Variants in MYO9B observed in about 807,000 individuals in gnomAD.
MYO9B encodes unconventional myosin-IXb.
Under a neutral mutation model 229.5 loss-of-function variants are expected in MYO9B, and 71 were observed. That is an observed-to-expected ratio of 0.31 (90% CI 0.26 to 0.38). The LOEUF (loss-of-function observed/expected upper bound fraction) is 0.38, where lower values mean the gene tolerates loss of function less well. Ranked by LOEUF, MYO9B falls within the 10% of genes least tolerant of loss-of-function variation. The pLI, the probability that MYO9B is intolerant of heterozygous loss-of-function variation, is 1.00. For synonymous variants in MYO9B, 1,185 were observed against 1,235.8 expected, an observed-to-expected ratio of 0.96 and a Z score of 0.86; for missense variants, 2,255 against 2,920.5, an observed-to-expected ratio of 0.77 and a Z score of 5.25.
rs1236587184 is a variant in MYO9B, at chr19:17,206,523, A to G, written c.5386+147A>G. 7 of 1,369,388 alleles carry G rather than the reference A, an allele frequency of 5.1e-6. No homozygotes were observed. The Admixed American group carries it at 6.8e-5, about 13-fold the overall frequency. The allele number at this position is 1,369,388 out of a possible 1,614,324, so 84.8% of individuals were successfully genotyped here. A position where few individuals can be genotyped will look rare whatever the true frequency, so the allele number is the denominator to read the frequency against. ...GTCGGCCCAGCCAAACCGGGTCCCC[A>G]GTTTGGGGTGGGGCCAGGACACCTC... On this transcript the variant is annotated intron_variant, in intron 33 of 39. Coordinates refer to ENST00000682292, the MANE Select transcript of MYO9B (RefSeq NM_004145.4).
intron 4 of MYO9B, among the ~76,000 whole-genome samples, chr19:17,153,214 T>C (rs1232941382): frequency 6.6e-6 from 1 of 151,304 alleles, no homozygotes; most frequent in Non-Finnish European, 1.5e-5. Flanking sequence ...GTCAGAGTCT[T>C]GCTCTGTCAC....
intron 10 of MYO9B, among the ~76,000 whole-genome samples, chr19:17,164,270 C>T (rs2072635507): frequency 6.6e-6 from 1 of 152,170 alleles, no homozygotes; most frequent in Non-Finnish European, 1.5e-5. Context: ...TTTTGAGCCA[C>T]AGTTCATGTG....
At chr19:17,166,439 G>A (rs2072660155) in intron 10 of MYO9B, among the ~76,000 whole-genome samples, 1 of 151,586 alleles carries the variant, frequency 6.6e-6, no homozygotes, top group South Asian at 2.1e-4. Context: ...GTAAGTTTAT[G>A]TAACTATTAA....
intron 36 of MYO9B, 143 bp downstream of exon 36, chr19:17,209,852 C>G: frequency 8.6e-7 from 1 of 1,166,106 alleles, no homozygotes; most frequent in Non-Finnish European, 1.2e-6. Flanking sequence ...CAGGACCTCC[C>G]ATGCCGAGGA....
intron 2 of MYO9B, among the ~76,000 whole-genome samples, chr19:17,110,299 C>G (rs554051753): frequency 6.6e-6 from 1 of 152,220 alleles, no homozygotes; most frequent in Non-Finnish European, 1.5e-5. Context: ...TTAACTGTTG[C>G]CATCACCTTT....
chr19:17,133,261 G>A (rs1440261836), intron 2 of MYO9B, among the ~76,000 whole-genome samples: 2 of 152,138 alleles, frequency 1.3e-5, no homozygotes. Flanking sequence ...CGCGTTACCT[G>A]ACATACTCAA....
At chr19:17,082,296 G>C (rs975776440) in intron 1 of MYO9B, among the ~76,000 whole-genome samples, 2 of 152,194 alleles carry the variant, frequency 1.3e-5, no homozygotes, top group African/African-American at 4.8e-5. Context: ...ACGGGAGCCT[G>C]CCTGGCCTGG....
At chr19:17,196,107 G>T (rs80274543) in intron 22 of MYO9B, among the ~76,000 whole-genome samples, 11,511 of 140,814 alleles carry the variant, frequency 0.082, 958 homozygotes, top group African/African-American at 0.22. Context: ...GATGGATGGA[G>T]GGAGGGAGGG....
At chr19:17,093,858 A>AATTAATTT (rs375581946) in intron 1 of MYO9B, among the ~76,000 whole-genome samples, 2 of 145,568 alleles carry the variant, frequency 1.4e-5, no homozygotes, top group Non-Finnish European at 1.5e-5. Flanking sequence ...ATGCCCAGCT[A>AATTAATTT]ATTTATTTAT....
intron 2 of MYO9B, among the ~76,000 whole-genome samples, chr19:17,144,935 A>G (rs1222590224): frequency 6.8e-6 from 1 of 147,236 alleles, no homozygotes; most frequent in African/African-American, 2.5e-5. Context: ...GCGCCCCTGC[A>G]CTCCAGCCAA....
intron 19 of MYO9B, among the ~76,000 whole-genome samples, chr19:17,188,731 G>C (rs1043743814): frequency 2.0e-5 from 3 of 152,140 alleles, no homozygotes; most frequent in African/African-American, 7.2e-5. Flanking sequence ...GAAATGTTCT[G>C]GGCGGGTGTA....
At chr19:17,187,219 C>G (rs756335339) in intron 18 of MYO9B, among the ~76,000 whole-genome samples, 2 of 152,200 alleles carry the variant, frequency 1.3e-5, no homozygotes, top group African/African-American at 2.4e-5. Context: ...GGCCTCCACC[C>G]AGCTGTTCTC....
Position 17,206,085 on chromosome 19 carries a change from C to G in MYO9B, c.5190C>G (p.Thr1730=), listed in dbSNP as rs199796150. The change falls in exon 32 of 40, where the codon ACC becomes ACG. Residue 1730 remains threonine, a synonymous_variant. Transcript: ENST00000682292. The part of the protein sequence containing the change: ...LEHVEMHGLY[T]EGLYRKSGAA... ...ACGTGGAGATGCACGGCCTGTACAC[C>G]GAGGGCCTCTACCGCAAGTCGGGTG... 4.4e-6 allele frequency: 7 copies of G among 1,608,780 alleles called. No individual in the cohort carries two copies. Among genetic ancestry groups the G allele is most frequent in the Non-Finnish European group, 6.0e-6 (7 of 1,176,418 alleles).
At chr19:17,189,904 A>C (rs2072962472) in intron 19 of MYO9B, among the ~76,000 whole-genome samples, 1 of 151,902 alleles carries the variant, frequency 6.6e-6, no homozygotes, top group Non-Finnish European at 1.5e-5. Flanking sequence ...TCTACTAAAA[A>C]AAATTTAAAA....
intron 3 of MYO9B, among the ~76,000 whole-genome samples, chr19:17,147,495 GATCA>G: frequency 7.4e-6 from 1 of 135,972 alleles, no homozygotes; most frequent in South Asian, 2.5e-4. Context: ...AGTGAGCCAA[GATCA>G]GGCCACTGCA....
chr19:17,200,777 A>G lies in MYO9B; in HGVS notation c.4511A>G (p.Gln1504Arg). Residue 1504 changes from glutamine (Q) to arginine (R), a missense_variant, in exon 26 of 40, where the codon CAG becomes CGG. This residue lies in a region of MYO9B where 416 missense variants were observed against 605.5 expected (regional missense o/e 0.69). Coordinates refer to ENST00000682292, the MANE Select transcript of MYO9B (RefSeq NM_004145.4). The stretch of plus-strand genomic sequence containing the variant: ...AAGTGGCGGGAATCGGTGTTCCGCC[A>G]GATCACCAACGCCAATGAGCTCAAG... Reference protein sequence around the residue: ...SEKWRESVFRQITNANELKYL... With the variant: ...SEKWRESVFRRITNANELKYL... 6.2e-7 allele frequency: 1 copy of G among 1,614,058 alleles called. No individual in the cohort carries two copies. The highest frequency in any genetic ancestry group is 8.5e-7 in the Non-Finnish European group (1 of 1,179,904).
At chr19:17,160,117 C>A (rs1367227715) in intron 8 of MYO9B, among the ~76,000 whole-genome samples, 1 of 152,178 alleles carries the variant, frequency 6.6e-6, no homozygotes, top group Non-Finnish European at 1.5e-5. Context: ...AGAGCAGGAT[C>A]ACTTGCAGCT....
chr19:17,102,206 G>A lies in MYO9B; in HGVS notation c.489G>A (p.Leu163=). Residue 163 remains leucine (L), a synonymous_variant, in exon 2 of 40, where the codon CTG becomes CTA. Coordinates refer to ENST00000682292, the MANE Select transcript of MYO9B (RefSeq NM_004145.4). The part of the protein sequence containing the change: ...NLPELTEGNL[L]KNLKHRFLQQ... ...CCGAGCTAACCGAGGGCAACCTCCT[G>A]AAGAACCTCAAGCACCGCTTCCTGC... is the stretch of plus-strand genomic sequence containing the variant. 2.5e-6 allele frequency: 4 copies of A among 1,613,970 alleles called. No homozygotes were observed. The highest frequency in any genetic ancestry group is 3.4e-6 in the Non-Finnish European group (4 of 1,179,884).
intron 1 of MYO9B, among the ~76,000 whole-genome samples, chr19:17,077,989 G>A (rs2057501970): frequency 6.6e-6 from 1 of 152,216 alleles, no homozygotes; most frequent in Non-Finnish European, 1.5e-5. Context: ...ACTCAGTGGA[G>A]CAGGTAGAGA....
Sources: gnomAD v4.1 joint callset for allele counts (sites outside exome capture counted in the v4.1 genomes callset) on GRCh38, gnomAD v4.1.1 for gene constraint, gnomAD v4.1.1 regional missense constraint, MANE v1.5 for transcripts, NCBI Gene and HGNC (gene_info 2026-07-23, HGNC 2026-07-21) for gene names.